MTRF1: variants seen among roughly 807,000 people sequenced by gnomAD.
MTRF1 encodes peptide chain release factor 1, mitochondrial.
In MTRF1, 51 loss-of-function variants were observed where a neutral mutation model predicts 62.9. The ratio of observed to expected loss-of-function variants is 0.81; its 90% CI spans 0.65 to 1.02. MTRF1 has a LOEUF of 1.02. MTRF1 is among the 50% of genes least tolerant of loss of function. MTRF1 has a pLI of 0.00. For missense variants in MTRF1, 446 were observed against 530.0 expected (o/e 0.84, Z 1.56); for synonymous variants, 158 against 181.9 (o/e 0.87, Z 1.06).
the MTRF1 span, among the ~76,000 whole-genome samples, chr13:41,295,411 A>G: frequency 6.6e-6 from 1 of 152,216 alleles, no homozygotes. Flanking sequence ...TAAATTGTAC[A>G]TCATAATCCT....
intron 8 of MTRF1, 21 bp downstream of exon 8, chr13:41,226,411 A>G (rs2034442481): frequency 5.6e-6 from 9 of 1,598,410 alleles, no homozygotes; most frequent in Non-Finnish European, 5.1e-6. Flanking sequence ...TCACTAAATT[A>G]TTATACCAAG....
chr13:41,219,998 C>CAAA (rs71086550), intron 9 of MTRF1, among the ~76,000 whole-genome samples: 15,502 of 70,126 alleles, frequency 0.22, 2,204 homozygotes, highest in South Asian at 0.34. Flanking sequence ...ACCTCTGTCT[C>CAAA]AAAAAAAAAA....
chr13:41,237,096 G>A (rs1361468408), intron 6 of MTRF1, among the ~76,000 whole-genome samples: 1 of 151,590 alleles, frequency 6.6e-6, no homozygotes, highest in African/African-American at 2.4e-5. Context: ...GCACACACCT[G>A]TAGTCCCAGC....
chr13:41,259,597 G>C (rs1329407333), intron 2 of MTRF1, among the ~76,000 whole-genome samples: 1 of 151,480 alleles, frequency 6.6e-6, no homozygotes, highest in Non-Finnish European at 1.5e-5. Flanking sequence ...AGCTACTTGG[G>C]AGGCTGAGGC....
chr13:41,290,658 G>T, the MTRF1 span, among the ~76,000 whole-genome samples: 1 of 151,550 alleles, frequency 6.6e-6, no homozygotes, highest in African/African-American at 2.4e-5. Flanking sequence ...CTCCCAAAGT[G>T]CTGGGATTAC....
At chr13:41,240,942 A>G (rs1274892499) in intron 5 of MTRF1, among the ~76,000 whole-genome samples, 3 of 152,244 alleles carry the variant, frequency 2.0e-5, no homozygotes, top group African/African-American at 7.2e-5. Context: ...GAATAACTCT[A>G]CAGATCCTCC....
Position 41,231,120 on chromosome 13 carries a change from C to T in MTRF1, c.988+2770G>A, listed in dbSNP as rs138982830. ...AAAACTAGGTGATATATATAATCCC[C>T]AAACATGATCTATTAAAGACAGAAA... On this transcript the variant is annotated intron_variant, in intron 7 of 9. Coordinates refer to ENST00000379480, the MANE Select transcript of MTRF1 (RefSeq NM_004294.4). Among the ~76,000 whole-genome samples, 392 of 152,308 alleles carry T rather than the reference C, an allele frequency of 2.6e-3. 1 individual carries two copies. Among genetic ancestry groups the T allele is most frequent in the Middle Eastern group, 0.014 (4 of 294 alleles).
chr13:41,293,021 T>C, the MTRF1 span, among the ~76,000 whole-genome samples: 1 of 152,222 alleles, frequency 6.6e-6, no homozygotes, highest in East Asian at 1.9e-4. Context: ...GTAAGGGCAA[T>C]TAAATTTTAG....
At chr13:41,292,119 A>T in the MTRF1 span, among the ~76,000 whole-genome samples, 42 of 152,350 alleles carry the variant, frequency 2.8e-4, no homozygotes, top group Non-Finnish European at 6.0e-4. Context: ...AAAAGCTGAA[A>T]GAAGAGAGAG....
At chr13:41,246,184 T>C (rs1207856609) in intron 5 of MTRF1, among the ~76,000 whole-genome samples, 1 of 152,152 alleles carries the variant, frequency 6.6e-6, no homozygotes, top group Non-Finnish European at 1.5e-5. Context: ...GCCACCCCAT[T>C]GCTTCCTTCT....
chr13:41,243,891 A>G (rs2037880342), intron 5 of MTRF1, among the ~76,000 whole-genome samples: 1 of 152,220 alleles, frequency 6.6e-6, no homozygotes. Context: ...AAAACATTAA[A>G]ACTTTTTTGC....
At chr13:41,257,157 G>A (rs1015634334) in intron 2 of MTRF1, among the ~76,000 whole-genome samples, 2 of 152,188 alleles carry the variant, frequency 1.3e-5, no homozygotes, top group Non-Finnish European at 2.9e-5. Flanking sequence ...TGTCTATTTT[G>A]GTTGGAAGGC....
intron 9 of MTRF1, 134 bp from the exon 10 acceptor site, chr13:41,217,362 G>A (rs540465927): frequency 4.9e-5 from 24 of 490,740 alleles, no homozygotes; most frequent in African/African-American, 4.5e-4. Flanking sequence ...GTAATACAAT[G>A]AACACAATCG....
intron 5 of MTRF1, among the ~76,000 whole-genome samples, chr13:41,244,395 C>T (rs2037957926): frequency 6.6e-6 from 1 of 152,084 alleles, no homozygotes; most frequent in Non-Finnish European, 1.5e-5. Context: ...TAGTGTTGGT[C>T]GTTCTAGCTG....
chr13:41,252,213 C>A (rs972627260), intron 5 of MTRF1: 1 of 152,344 alleles, frequency 6.6e-6, no homozygotes, highest in Non-Finnish European at 1.5e-5. Context: ...AGAGAAGTTT[C>A]TTGAAAATAA....
intron 7 of MTRF1, among the ~76,000 whole-genome samples, chr13:41,227,109 T>C (rs1002550913): frequency 6.6e-6 from 1 of 151,818 alleles, no homozygotes; most frequent in Non-Finnish European, 1.5e-5. Context: ...GATAACACAG[T>C]GAAACCCCAT....
intron 2 of MTRF1, among the ~76,000 whole-genome samples, chr13:41,255,552 C>T (rs2039597911): frequency 6.6e-6 from 1 of 152,090 alleles, no homozygotes; most frequent in South Asian, 2.1e-4. Context: ...ATTATACAGG[C>T]ATGGTGGTGC....
intron 6 of MTRF1, among the ~76,000 whole-genome samples, chr13:41,236,956 G>A (rs1593780859): frequency 2.0e-5 from 3 of 152,036 alleles, no homozygotes; most frequent in Admixed American, 2.0e-4. Flanking sequence ...TGTGGCTCAC[G>A]CCTGTAATCT....
At chr13:41,265,421 C>CAAATAAAAA (rs2040816386), upstream of MTRF1, among the ~76,000 whole-genome samples, 1 of 127,596 alleles carries the variant, frequency 7.8e-6, no homozygotes, top group Non-Finnish European at 1.7e-5. Flanking sequence ...AACTCCGTCT[C>CAAATAAAAA]AAAAAAAAAA....
Sources: gnomAD v4.1 joint callset for allele counts (sites outside exome capture counted in the v4.1 genomes callset) on GRCh38, gnomAD v4.1.1 for gene constraint, MANE v1.5 for transcripts, NCBI Gene and HGNC (gene_info 2026-07-23, HGNC 2026-07-21) for gene names.